Variants in ZNF256 observed in about 807,000 individuals in gnomAD.
ZNF256 encodes the protein zinc finger protein 256.
A neutral mutation model predicts 7.9 loss-of-function variants in ZNF256; 4 were observed. The observed-to-expected ratio is 0.50, with a 90% CI of 0.25 to 1.15. The LOEUF is 1.15. Among genes scored for constraint, ZNF256 ranks in the 50% most tolerant of loss-of-function variants. The pLI, the probability that ZNF256 is intolerant of heterozygous loss-of-function variation, is 0.15. For missense variants in ZNF256, 666 were observed against 755.9 expected (o/e 0.88, Z 1.39); for synonymous variants, 260 against 260.4 (o/e 1.00, Z 0.02).
rs556845421 is a variant in ZNF256 at position 57,947,481 on chromosome 19, CTG to C, written c.-9_-8del. On this transcript the variant is annotated 5_prime_UTR_variant, in exon 1 of 3. Coordinates refer to ENST00000282308, the MANE Select transcript of ZNF256 (RefSeq NM_005773.3). Reference sequence around the variant, plus strand: ...TCAGCTCGGCCGCCGCCATCTGACTCTGTGAGCGGAGCGGGGCCAGAGAGGAT... The same window carrying C: ...TCAGCTCGGCCGCCGCCATCTGACTCTGAGCGGAGCGGGGCCAGAGAGGAT... The C allele has an allele frequency of 8.6e-5, 108 of 1,249,368 alleles. 2 individuals are homozygous for C. The South Asian group carries it at 3.4e-3, about 39-fold the overall frequency. 77.4% of individuals were successfully genotyped at this position (1,249,368 alleles called of 1,614,324 possible).
Position 57,941,659 on chromosome 19 carries a change from T to C in ZNF256, c.1149A>G (p.Glu383=), listed in dbSNP as rs2123187026. The change falls in exon 3 of 3, where the codon GAA becomes GAG. Residue 383 remains glutamate (E), a synonymous_variant. Transcript: ENST00000282308. ...AGCTCTGGCTAAAGGATTTCCCACA[T>C]TCACTGCACATATAAGGCCTTGTAC... The part of the protein sequence containing the change: ...HTGTRPYMCS[E]CGKSFSQSCH... 1 of 1,614,150 alleles carries C rather than the reference T, an allele frequency of 6.2e-7. No homozygotes were observed. Among genetic ancestry groups the C allele is most frequent in the East Asian group, 2.2e-5 (1 of 44,862 alleles).
In ZNF256 at chr19:57,941,075, C is replaced by A; in HGVS notation, c.1733G>T (p.Ser578Ile). The A allele has an allele frequency of 1.9e-6, 3 of 1,614,120 alleles. No homozygotes were observed. Among genetic ancestry groups the A allele is most frequent in the Non-Finnish European group, 2.5e-6 (3 of 1,180,022 alleles). ...VHTGERPYEC[S>I]ECGKSFSQSS... ...CTGGCTAAAGGATTTTCCACATTCA[C>A]TGCATTCATAAGGCCTTTCTCCGGT... The change falls in exon 3 of 3, where the codon AGT (serine) becomes ATT (isoleucine). Residue 578 changes from serine (S) to isoleucine (I), a missense_variant. Physicochemically the swap from Ser to Ile is moderately radical, Grantham distance 142. Transcript: ENST00000282308.
intron 2 of ZNF256, among the ~76,000 whole-genome samples, chr19:57,943,647 C>T (rs541886911): frequency 2.0e-5 from 3 of 152,264 alleles, no homozygotes; most frequent in Admixed American, 1.3e-4. Flanking sequence ...CCTTGAGGAG[C>T]CTCGAATCTG....
In ZNF256 at chr19:57,941,069, C is replaced by G; in HGVS notation, c.1739G>C (p.Cys580Ser). The G allele has an allele frequency of 6.2e-7, 1 of 1,614,192 alleles. No individual in the cohort carries two copies. Residue 580 changes from cysteine to serine, a missense_variant, in exon 3 of 3, where the codon TGT (cysteine) becomes TCT (serine). Physicochemically the swap from Cys to Ser is moderately radical, Grantham distance 112. Transcript: ENST00000282308. ...AGAGCTCTGGCTAAAGGATTTTCCACATTCACTGCATTCATAAGGCCTTTC... is the reference window on the plus strand; with the variant it reads ...AGAGCTCTGGCTAAAGGATTTTCCAGATTCACTGCATTCATAAGGCCTTTC... ...TGERPYECSE[C>S]GKSFSQSSNL...
rs199992557 is a variant in ZNF256 at position 57,940,895 on chromosome 19, G to A, written c.*29C>T. 53 of 1,583,482 alleles carry A rather than the reference G, an allele frequency of 3.3e-5. No individual in the cohort carries two copies. The highest frequency in any genetic ancestry group is 4.0e-5 in the Non-Finnish European group (46 of 1,161,170). ...ATTTTGCAGGGACACTTCTCAGTCCGTAACAGCCCTATGTGTGTTACCTAA... is the reference window on the plus strand; with the variant it reads ...ATTTTGCAGGGACACTTCTCAGTCCATAACAGCCCTATGTGTGTTACCTAA... On this transcript the variant is annotated 3_prime_UTR_variant, in exon 3 of 3. Transcript: ENST00000282308.
intron 1 of ZNF256, among the ~76,000 whole-genome samples, chr19:57,945,190 T>C (rs984980712): frequency 6.6e-6 from 1 of 152,136 alleles, no homozygotes; most frequent in Non-Finnish European, 1.5e-5. Context: ...CCACCACGCC[T>C]GGCTGAACAG....
Position 57,942,605 on chromosome 19 carries a change from C to T in ZNF256, c.203G>A (p.Ser68Asn). ...AGDEEAPYQQ[S>N]TSPQRVSQVR... Reference sequence around the variant, plus strand: ...CTGTGACACCCGCTGTGGAGAAGTGCTCTGCTGATAAGGTGCCTCCTCATC... The same window carrying T: ...CTGTGACACCCGCTGTGGAGAAGTGTTCTGCTGATAAGGTGCCTCCTCATC... Residue 68 changes from serine (S) to asparagine (N), a missense_variant, in exon 3 of 3, where the codon AGC becomes AAC. Transcript: ENST00000282308. The T allele has an allele frequency of 6.2e-7, 1 of 1,614,098 alleles. No individual in the cohort carries two copies. Among genetic ancestry groups the T allele is most frequent in the Non-Finnish European group, 8.5e-7 (1 of 1,180,010 alleles).
At chr19:57,947,073 T>C (rs968057581) in intron 1 of ZNF256, among the ~76,000 whole-genome samples, 3 of 152,216 alleles carry the variant, frequency 2.0e-5, no homozygotes, top group Non-Finnish European at 2.9e-5. Flanking sequence ...AACCCTCCCC[T>C]TCCTGGCGTA....
intron 2 of ZNF256, among the ~76,000 whole-genome samples, chr19:57,943,702 G>A (rs1256972827): frequency 6.6e-6 from 1 of 152,204 alleles, no homozygotes; most frequent in East Asian, 1.9e-4. Context: ...TGAGATCCAT[G>A]AGGCCGACTA....
In ZNF256 at chr19:57,942,620, G is replaced by A; in HGVS notation, c.188C>T (p.Ala63Val). 6.2e-7 allele frequency: 1 copy of A among 1,613,932 alleles called. No homozygotes were observed. Among genetic ancestry groups the A allele is most frequent in the Non-Finnish European group, 8.5e-7 (1 of 1,179,826 alleles). Reference sequence around the variant, plus strand: ...TGGAGAAGTGCTCTGCTGATAAGGTGCCTCCTCATCCCCTGCTCCAGAACC... The same window carrying A: ...TGGAGAAGTGCTCTGCTGATAAGGTACCTCCTCATCCCCTGCTCCAGAACC... ...LGGSGAGDEEAPYQQSTSPQR... is the reference protein window; with the variant it reads ...LGGSGAGDEEVPYQQSTSPQR... The change falls in exon 3 of 3, where the codon GCA becomes GTA. Residue 63 changes from alanine (A) to valine (V), a missense_variant. Physicochemically the swap from Ala to Val is moderately conservative, Grantham distance 64. Transcript: ENST00000282308.
In ZNF256 at chr19:57,940,976, A is replaced by T; in HGVS notation, c.1832T>A (p.Phe611Tyr). Reference protein sequence around the residue: ...RPYECSDCGKFFTFNSNLLKH... With the variant: ...RPYECSDCGKYFTFNSNLLKH... ...TAGGAGGTTGGAGTTGAAGGTAAAA[A>T]ATTTTCCACAGTCACTACACTCATA... Residue 611 changes from phenylalanine (F) to tyrosine (Y), a missense_variant, in exon 3 of 3, where the codon TTT becomes TAT. Phe to Tyr is a conservative substitution (Grantham distance 22). Transcript: ENST00000282308. 1.9e-6 allele frequency: 3 copies of T among 1,614,090 alleles called. No homozygotes were observed. In the South Asian group the frequency reaches 3.3e-5, roughly 18 times the overall value.
In ZNF256 at chr19:57,943,827, A is replaced by C. The variant is rs1021169047; in HGVS notation, c.160+107T>G. 17 of 1,459,652 alleles carry C rather than the reference A, an allele frequency of 1.2e-5. No homozygotes were observed. In the African/African-American group the frequency reaches 2.4e-4, roughly 21 times the overall value. The allele number at this position is 1,459,652 out of a possible 1,614,324, so 90.4% of individuals were successfully genotyped here. A position where few individuals can be genotyped will look rare whatever the true frequency, so the allele number is the denominator to read the frequency against. On this transcript the variant is annotated intron_variant, in intron 2 of 2. Transcript: ENST00000282308. ...CTACCAACCGCAGCACCTGCCCAGG[A>C]ACAGGAAGCTGTGTCAATAGTCCTC...
In ZNF256 at chr19:57,941,633, CAGCTCTGGCT is replaced by C; in HGVS notation, c.1165_1174del (p.Ser389ValfsTer41). 1.9e-6 allele frequency: 3 copies of C among 1,612,988 alleles called. No individual in the cohort carries two copies. Among genetic ancestry groups the C allele is most frequent in the Non-Finnish European group, 2.5e-6 (3 of 1,179,658 alleles). On this transcript the variant is annotated frameshift_variant, in exon 3 of 3. Coordinates refer to ENST00000282308, the MANE Select transcript of ZNF256 (RefSeq NM_005773.3). LOFTEE classifies it low-confidence loss of function (END_TRUNC). ...AAGTCTCCGGTGTTTAATGAGGTGACAGCTCTGGCTAAAGGATTTCCCACATTCACTGCAC... is the reference window on the plus strand; with the variant it reads ...AAGTCTCCGGTGTTTAATGAGGTGACAAAGGATTTCCCACATTCACTGCAC...
At chr19:57,944,781 G>A (rs1361514783) in intron 1 of ZNF256, among the ~76,000 whole-genome samples, 4 of 152,120 alleles carry the variant, frequency 2.6e-5, no homozygotes, top group African/African-American at 9.7e-5. Context: ...GCAATGAGCC[G>A]AGATCACGCC....
chr19:57,946,375 G>A (rs796567161), intron 1 of ZNF256, among the ~76,000 whole-genome samples: 9 of 152,268 alleles, frequency 5.9e-5, no homozygotes, highest in African/African-American at 2.2e-4. Flanking sequence ...GATATCCCTA[G>A]TGAATATTAC....
Position 57,941,591 on chromosome 19 carries a change from G to A in ZNF256, c.1217C>T (p.Pro406Leu), listed in dbSNP as rs763004205. 1.8e-5 allele frequency: 29 copies of A among 1,614,004 alleles called. No individual in the cohort carries two copies. In the Admixed American group the frequency reaches 4.7e-4, roughly 26 times the overall value. The stretch of plus-strand genomic sequence containing the variant: ...TTTCCCACATTCACTACACTCATAA[G>A]GCCCTTCTCCAATGTGAAGTCTCCG... ...KHRRLHIGEG[P>L]YECSECGKLF... The change falls in exon 3 of 3, where the codon CCT (proline) becomes CTT (leucine). Residue 406 changes from proline to leucine, a missense_variant. Pro to Leu is a moderately conservative substitution (Grantham distance 98). Transcript: ENST00000282308.
rs1374073296 is a variant in ZNF256, at chr19:57,942,451, T to C, written c.357A>G (p.Thr119=). The change falls in exon 3 of 3, where the codon ACA becomes ACG. Residue 119 remains threonine, a synonymous_variant. Transcript: ENST00000282308. ...QGTHHGQKLY[T]DGACRKQLQF... Reference sequence around the variant, plus strand: ...GTAATTGTTTCCTACATGCCCCGTCTGTATACAGTTTCTGACCATGGTGTG... The same window carrying C: ...GTAATTGTTTCCTACATGCCCCGTCCGTATACAGTTTCTGACCATGGTGTG... The C allele has an allele frequency of 1.9e-6, 3 of 1,614,112 alleles. No individual in the cohort carries two copies. The highest frequency in any genetic ancestry group is 2.7e-5 in the African/African-American group (2 of 74,944).
Position 57,947,428 on chromosome 19 carries a change from G to A in ZNF256, c.33+14C>T, listed in dbSNP as rs888114272. 5.6e-6 allele frequency: 7 copies of A among 1,249,148 alleles called. No homozygotes were observed. The African/African-American group carries it at 6.2e-5, about 11-fold the overall frequency. The allele number at this position is 1,249,148 out of a possible 1,614,324, so 77.4% of individuals were successfully genotyped here. On this transcript the variant is annotated intron_variant, in intron 1 of 2. Coordinates refer to ENST00000282308, the MANE Select transcript of ZNF256 (RefSeq NM_005773.3). ...TGGGGAGGGCGGGGAAGGCCCAGAG[G>A]ACGCGGCACATACCTGGGCCGGGGC...
chr19:57,941,365 G>C lies in ZNF256; in HGVS notation c.1443C>G (p.His481Gln). ...SFTCKSYLIS[H>Q]WKVHTGARPY... ...GCCTTGCTCCAGTATGAACTTTCCA[G>C]TGTGAGATGAGGTAGGATTTACAGG... The change falls in exon 3 of 3, where the codon CAC becomes CAG. Residue 481 changes from histidine (H) to glutamine (Q), a missense_variant. His to Gln is a conservative substitution (Grantham distance 24). Coordinates refer to ENST00000282308, the MANE Select transcript of ZNF256 (RefSeq NM_005773.3). The C allele has an allele frequency of 1.2e-6, 2 of 1,614,014 alleles. No homozygotes were observed. Among genetic ancestry groups the C allele is most frequent in the Non-Finnish European group, 1.7e-6 (2 of 1,180,006 alleles).
Sources: gnomAD v4.1 joint callset for allele counts (sites outside exome capture counted in the v4.1 genomes callset) on GRCh38, gnomAD v4.1.1 for gene constraint, MANE v1.5 for transcripts, NCBI Gene and HGNC (gene_info 2026-07-23, HGNC 2026-07-21) for gene names.